The following ASTN1 variants were observed in gnomAD, a reference collection of about 807,000 sequenced individuals.
ASTN1 encodes the protein astrotactin-1.
A neutral mutation model predicts 140.7 loss-of-function variants in ASTN1; 41 were observed. That is an observed-to-expected ratio of 0.29 (90% CI 0.23 to 0.38). ASTN1 has a LOEUF of 0.38. ASTN1 is among the 10% of genes least tolerant of loss of function. The pLI is 1.00. For missense variants in ASTN1, 1,479 were observed against 1,678.8 expected (o/e 0.88, Z 2.08); for synonymous variants, 640 against 652.2 (o/e 0.98, Z 0.29).
downstream of ASTN1, among the ~76,000 whole-genome samples, chr1:176,859,416 G>A (rs1167568391): frequency 2.0e-5 from 3 of 152,186 alleles, no homozygotes; most frequent in African/African-American, 7.2e-5. Flanking sequence ...CATGCCCAGG[G>A]CAGGGCTTAC....
chr1:177,096,543 T>G (rs1350293864), intron 1 of ASTN1, among the ~76,000 whole-genome samples: 1 of 152,156 alleles, frequency 6.6e-6, no homozygotes, highest in Non-Finnish European at 1.5e-5. Context: ...CATCTTGAGT[T>G]GTAGCTCCCA....
chr1:177,066,558 A>T (rs995495368), intron 1 of ASTN1, among the ~76,000 whole-genome samples: 3 of 152,134 alleles, frequency 2.0e-5, no homozygotes, highest in Admixed American at 1.3e-4. Context: ...AGGGATTACA[A>T]CTTCCCTATA....
In ASTN1 at chr1:177,134,148, T is replaced by C. The variant is rs540277390; in HGVS notation, c.283+30246A>G. ...CATGTACATAGCTAGCCCCCATGCT[T>C]CCAAGGAGCACTGAGATCCACAGAT... On this transcript the variant is annotated intron_variant, in intron 1 of 22. Coordinates refer to ENST00000361833, the MANE Select transcript of ASTN1 (RefSeq NM_004319.3). 3.3e-5 allele frequency among the ~76,000 whole-genome samples: 5 copies of C among 152,316 alleles called. No homozygotes were observed. In the South Asian group the frequency reaches 1.0e-3, roughly 32 times the overall value.
chr1:176,898,995 T>A (rs1571478340), intron 16 of ASTN1, among the ~76,000 whole-genome samples: 1 of 152,178 alleles, frequency 6.6e-6, no homozygotes, highest in Admixed American at 6.5e-5. Flanking sequence ...TGTGGCTCCC[T>A]CCCACCTCTG....
At chr1:176,890,760 T>C (rs1669224445) in intron 17 of ASTN1, among the ~76,000 whole-genome samples, 1 of 152,210 alleles carries the variant, frequency 6.6e-6, no homozygotes, top group African/African-American at 2.4e-5. Flanking sequence ...GTATGGTGGC[T>C]CATGCCTGTA....
intron 15 of ASTN1, 56 bp from the exon 16 acceptor site, chr1:176,934,396 G>A: frequency 6.6e-7 from 1 of 1,504,020 alleles, no homozygotes; most frequent in South Asian, 1.3e-5. Context: ...TGGGTATACG[G>A]ATTCCCAGGC....
chr1:176,980,385 C>T (rs1278655889), intron 8 of ASTN1, among the ~76,000 whole-genome samples: 1 of 152,008 alleles, frequency 6.6e-6, no homozygotes, highest in Non-Finnish European at 1.5e-5. Context: ...TGGCACATGA[C>T]AAGAAATGAG....
chr1:177,004,634 G>A (rs1428713688), intron 8 of ASTN1, among the ~76,000 whole-genome samples: 3 of 151,998 alleles, frequency 2.0e-5, no homozygotes, highest in Admixed American at 2.0e-4. Context: ...TAGATATACA[G>A]GCCAAAGGAA....
At chr1:176,974,330 T>C (rs747662207) in intron 8 of ASTN1, among the ~76,000 whole-genome samples, 4 of 152,164 alleles carry the variant, frequency 2.6e-5, no homozygotes, top group Admixed American at 6.6e-5. Flanking sequence ...TTTTAATAAA[T>C]ATTAACTGTT....
At chr1:177,004,275 C>G (rs1674884677) in intron 8 of ASTN1, among the ~76,000 whole-genome samples, 1 of 151,824 alleles carries the variant, frequency 6.6e-6, no homozygotes, top group Non-Finnish European at 1.5e-5. Flanking sequence ...GGTGAAAGAT[C>G]TCTACAGGGA....
chr1:177,048,154 G>A lies in ASTN1; in HGVS notation c.471+12924C>T, dbSNP rs377201941. On this transcript the variant is annotated intron_variant, in intron 2 of 22. Coordinates refer to ENST00000361833, the MANE Select transcript of ASTN1 (RefSeq NM_004319.3). ...CAAAGAGGCAAAGGAACTCTCAAAGGGCGGCCGCCAGAGGGGCTCAGGATG... is the reference window on the plus strand; with the variant it reads ...CAAAGAGGCAAAGGAACTCTCAAAGAGCGGCCGCCAGAGGGGCTCAGGATG... 3.4e-3 allele frequency among the ~76,000 whole-genome samples: 521 copies of A among 152,270 alleles called. 2 individuals are homozygous for A. In the Middle Eastern group the frequency reaches 0.041, roughly 12 times the overall value.
At chr1:176,877,141 G>T (rs1024538911) in intron 20 of ASTN1, among the ~76,000 whole-genome samples, 2 of 152,190 alleles carry the variant, frequency 1.3e-5, no homozygotes, top group African/African-American at 4.8e-5. Context: ...TAGTTATAGT[G>T]AATGCCTGTG....
intron 8 of ASTN1, among the ~76,000 whole-genome samples, chr1:176,970,733 T>TGG (rs1335523419): frequency 7.0e-6 from 1 of 143,456 alleles, no homozygotes; most frequent in African/African-American, 2.8e-5. Flanking sequence ...TGGGTATGGG[T>TGG]GTGTGTGTGT....
intron 2 of ASTN1, among the ~76,000 whole-genome samples, chr1:177,048,038 A>T (rs1160831730): frequency 6.6e-6 from 1 of 152,198 alleles, no homozygotes; most frequent in Non-Finnish European, 1.5e-5. Context: ...TTACAGTATT[A>T]TACAGGAATA....
intron 5 of ASTN1, 71 bp downstream of exon 5, chr1:177,029,563 C>A: frequency 6.7e-7 from 1 of 1,489,596 alleles, no homozygotes; most frequent in Non-Finnish European, 9.3e-7. Context: ...CAACCCAACA[C>A]CTCTTCGCCT....
chr1:176,975,409 G>T (rs894369817), intron 8 of ASTN1, among the ~76,000 whole-genome samples: 9 of 152,230 alleles, frequency 5.9e-5, no homozygotes. Context: ...CCCACACCTT[G>T]CTCTGCTCTT....
chr1:176,997,315 G>A (rs895625007), intron 8 of ASTN1, among the ~76,000 whole-genome samples: 3 of 152,172 alleles, frequency 2.0e-5, no homozygotes, highest in African/African-American at 4.8e-5. Flanking sequence ...AGCAAAGTGA[G>A]TAGTTAGTAA....
intron 2 of ASTN1, among the ~76,000 whole-genome samples, chr1:177,047,014 C>T (rs2209010): frequency 0.064 from 9,817 of 152,214 alleles, 363 homozygotes; most frequent in African/African-American, 0.097. Context: ...CTGTCCATTC[C>T]CAAAGTCCCT....
intron 21 of ASTN1, 113 bp from the exon 22 acceptor site, chr1:176,869,140 T>TG: frequency 1.4e-6 from 1 of 694,424 alleles, no homozygotes; most frequent in Non-Finnish European, 2.1e-6. Flanking sequence ...TAAACATATG[T>TG]AGATCATTTA....
Sources: allele counts gnomAD v4.1 joint callset (sites outside exome capture counted in the v4.1 genomes callset), GRCh38; gene constraint gnomAD v4.1.1; transcripts MANE v1.5; gene names NCBI Gene and HGNC (gene_info 2026-07-23, HGNC 2026-07-21).